STIM1: variants seen among roughly 807,000 people sequenced by gnomAD.
The protein encoded by STIM1 is stromal interaction molecule 1.
Under a neutral mutation model 74.7 loss-of-function variants are expected in STIM1, and 25 were observed. The ratio of observed to expected loss-of-function variants is 0.33; its 90% confidence interval spans 0.24 to 0.47. The LOEUF (loss-of-function observed/expected upper bound fraction) is 0.47, where lower values mean the gene tolerates loss of function less well. STIM1 is among the 20% of genes least tolerant of loss of function. The probability of loss-of-function intolerance (pLI) is 1.00; values close to 1 mark genes in which losing one functional copy is unlikely to be tolerated. For synonymous variants in STIM1, 328 were observed against 348.8 expected, an observed-to-expected ratio of 0.94 and a Z score of 0.66; for missense variants, 728 against 920.8, an observed-to-expected ratio of 0.79 and a Z score of 2.71.
At chr11:4,047,906 C>T (rs2094206605) in intron 3 of STIM1, among the ~76,000 whole-genome samples, 1 of 151,750 alleles carries the variant, frequency 6.6e-6, no homozygotes, top group African/African-American at 2.4e-5. Flanking sequence ...GCAACCTCCG[C>T]CTCCCAGGTT....
Position 4,091,629 on chromosome 11 carries a change from T to G in STIM1, c.1982T>G (p.Val661Gly). The stretch of plus-strand genomic sequence containing the variant: ...CCAGACCCAGACACACCATCTCCAG[T>G]TGGGGACAGCCGAGCCCTGCAAGCC... ...SSPDPDTPSP[V>G]GDSRALQASR... is the part of the protein sequence containing the mutation. The change falls in exon 13 of 13, where the codon GTT becomes GGT. Residue 661 changes from valine to glycine, a missense_variant. Coordinates refer to ENST00000526596, the MANE Select transcript of STIM1 (RefSeq NM_001382567.1). 6.2e-7 allele frequency: 1 copy of G among 1,614,046 alleles called. No homozygotes were observed.
At chr11:3,863,558 C>CA (rs1376809224) in intron 1 of STIM1, among the ~76,000 whole-genome samples, 3 of 152,088 alleles carry the variant, frequency 2.0e-5, no homozygotes, top group African/African-American at 7.2e-5. Context: ...GTGCCCCAGC[C>CA]AAATCTGAAA....
chr11:3,957,937 C>G (rs1424435697), intron 1 of STIM1, among the ~76,000 whole-genome samples: 1 of 152,112 alleles, frequency 6.6e-6, no homozygotes, highest in Non-Finnish European at 1.5e-5. Context: ...GCAGTCTTGA[C>G]TCACTGCAAC....
intron 1 of STIM1, among the ~76,000 whole-genome samples, chr11:3,945,316 C>G (rs373017781): frequency 1.8e-3 from 274 of 152,214 alleles, no homozygotes; most frequent in Non-Finnish European, 2.6e-3. Flanking sequence ...GTGGCTCACG[C>G]CTGTAATCCC....
At chr11:4,086,914 T>C in intron 12 of STIM1, 1 of 1,496,264 alleles carries the variant, frequency 6.7e-7, no homozygotes, top group Non-Finnish European at 8.9e-7. Flanking sequence ...CTGCTGCTTT[T>C]ACCTTGGTTT....
At chr11:3,918,683 T>A (rs1565115173) in intron 1 of STIM1, among the ~76,000 whole-genome samples, 5 of 152,182 alleles carry the variant, frequency 3.3e-5, no homozygotes, top group Admixed American at 3.3e-4. Flanking sequence ...TACTGGCCTT[T>A]AATTGGCCAA....
intron 12 of STIM1, among the ~76,000 whole-genome samples, chr11:4,087,695 C>T (rs2094501913): frequency 1.3e-5 from 2 of 151,626 alleles, no homozygotes; most frequent in South Asian, 2.1e-4. Flanking sequence ...TGGAAGACTA[C>T]AGGAATTTGG....
chr11:4,072,474 C>T (rs146757659), intron 6 of STIM1, among the ~76,000 whole-genome samples: 216 of 152,346 alleles, frequency 1.4e-3, no homozygotes, highest in Middle Eastern at 6.8e-3. Context: ...AAAACTTGCT[C>T]ATAGTCACAC....
intron 3 of STIM1, among the ~76,000 whole-genome samples, chr11:4,030,327 A>C (rs1232602864): frequency 3.2e-5 from 1 of 31,564 alleles, no homozygotes. Flanking sequence ...ACTCCATCTC[A>C]AAAAAAAAAA....
At chr11:4,039,621 G>T (rs1410222501) in intron 3 of STIM1, among the ~76,000 whole-genome samples, 2 of 146,826 alleles carry the variant, frequency 1.4e-5, no homozygotes, top group African/African-American at 5.0e-5. Flanking sequence ...GAAAGAAAAT[G>T]TCAGTGATTT....
chr11:3,989,404 C>T, intron 2 of STIM1: 2 of 751,902 alleles, frequency 2.7e-6, no homozygotes, highest in Non-Finnish European at 5.0e-6. Context: ...CCGCGCCGAT[C>T]TCCTCTTGGG....
At chr11:3,945,327 A>C (rs1240019127) in intron 1 of STIM1, among the ~76,000 whole-genome samples, 1 of 152,210 alleles carries the variant, frequency 6.6e-6, no homozygotes, top group Non-Finnish European at 1.5e-5. Flanking sequence ...CTGTAATCCC[A>C]GCACTTTGGG....
Position 4,046,426 on chromosome 11 carries a change from C to CAG in STIM1, c.386-9100_386-9099insAG, listed in dbSNP as rs1239796854. Among the ~76,000 whole-genome samples, 6 of 152,252 alleles carry CAG rather than the reference C, an allele frequency of 3.9e-5. No homozygotes were observed. In the East Asian group the frequency reaches 9.7e-4, roughly 25 times the overall value. On this transcript the variant is annotated intron_variant, in intron 3 of 12. Coordinates refer to ENST00000526596, the MANE Select transcript of STIM1 (RefSeq NM_001382567.1). ...CACACTGTGTCTGCCTCATTTCCTT[C>CAG]CCCTGCCACCTTTCCCTTCTCACCT...
intron 4 of STIM1, among the ~76,000 whole-genome samples, chr11:4,057,586 C>G (rs1329156153): frequency 1.3e-5 from 2 of 152,134 alleles, no homozygotes; most frequent in East Asian, 1.9e-4. Flanking sequence ...GAAAGTCGCA[C>G]TAGGCCGGGT....
At chr11:3,892,521 C>T in intron 1 of STIM1, 2 of 1,589,760 alleles carry the variant, frequency 1.3e-6, no homozygotes, top group Non-Finnish European at 1.7e-6. Flanking sequence ...TGCTTGCCAT[C>T]CAACCACTCA....
chr11:3,990,308 C>G (rs1389229817), intron 2 of STIM1, among the ~76,000 whole-genome samples: 1 of 152,166 alleles, frequency 6.6e-6, no homozygotes, highest in Non-Finnish European at 1.5e-5. Flanking sequence ...TTTTGTTTAG[C>G]ATTCATCAAT....
chr11:3,923,349 C>T (rs932067669), intron 1 of STIM1, among the ~76,000 whole-genome samples: 1 of 152,256 alleles, frequency 6.6e-6, no homozygotes, highest in Non-Finnish European at 1.5e-5. Context: ...TGGCTCATGG[C>T]TGTAATCCCA....
At chr11:3,926,328 A>T (rs1361172074) in intron 1 of STIM1, among the ~76,000 whole-genome samples, 1 of 152,218 alleles carries the variant, frequency 6.6e-6, no homozygotes, top group Admixed American at 6.5e-5. Context: ...GAAATACATG[A>T]CATACAGACC....
Position 3,855,797 on chromosome 11 carries a change from C to A in STIM1, c.-474C>A. 5.2e-6 allele frequency: 1 copy of A among 194,054 alleles called. No homozygotes were observed. The highest frequency in any genetic ancestry group is 1.1e-5 in the Non-Finnish European group (1 of 91,660). 12.0% of individuals were successfully genotyped at this position (194,054 alleles called of 1,614,324 possible). A position where few individuals can be genotyped will look rare whatever the true frequency, so the allele number is the denominator to read the frequency against. Reference sequence around the variant, plus strand: ...CCAGGATCCCGGAGACGCCCGCGCCCTCAGGACCCTGCGGGTCGCACGCCC... The same window carrying A: ...CCAGGATCCCGGAGACGCCCGCGCCATCAGGACCCTGCGGGTCGCACGCCC... On this transcript the variant is annotated 5_prime_UTR_variant, in exon 1 of 13. Coordinates refer to ENST00000526596, the MANE Select transcript of STIM1 (RefSeq NM_001382567.1).
Sources: gnomAD v4.1 joint callset for allele counts (sites outside exome capture counted in the v4.1 genomes callset) on GRCh38, gnomAD v4.1.1 for gene constraint, MANE v1.5 for transcripts, NCBI Gene and HGNC (gene_info 2026-07-23, HGNC 2026-07-21) for gene names.